The following SRP19 variants were observed in gnomAD, a reference collection of about 807,000 sequenced individuals.
SRP19 encodes signal recognition particle 19 kDa protein.
Under a neutral mutation model 22.4 loss-of-function variants are expected in SRP19, and 11 were observed. The ratio of observed to expected loss-of-function variants is 0.49; its 90% CI spans 0.31 to 0.81. The LOEUF is 0.81. Among genes scored for constraint, SRP19 ranks in the 40% least tolerant of loss-of-function variants. The pLI, the probability that SRP19 is intolerant of heterozygous loss-of-function variation, is 0.05. For missense variants in SRP19, 168 were observed against 175.9 expected (o/e 0.96, Z 0.25); for synonymous variants, 61 against 57.6 (o/e 1.06, Z -0.27).
chr5:112,875,990 C>T (rs186647991), intron 4 of SRP19, among the ~76,000 whole-genome samples: 3 of 151,296 alleles, frequency 2.0e-5, no homozygotes, highest in East Asian at 2.0e-4. Flanking sequence ...GCTGAGATTG[C>T]GCCACTGCAC....
chr5:112,867,341 A>G (rs778931015), intron 4 of SRP19, 63 bp from the exon 5 acceptor site: 107 of 1,552,578 alleles, frequency 6.9e-5, no homozygotes, highest in Non-Finnish European at 8.2e-5. Flanking sequence ...GTGATATTCA[A>G]TTTGATGACT....
At chr5:112,879,216 TATTATCAATCTG>T (rs759409950) in intron 4 of SRP19, among the ~76,000 whole-genome samples, 4 of 151,784 alleles carry the variant, frequency 2.6e-5, no homozygotes, top group Non-Finnish European at 5.9e-5. Context: ...CTTATCAATA[TATTATCAATCTG>T]ATGACAACTA....
At chr5:112,877,962 T>A (rs188243748) in intron 4 of SRP19, 7 of 151,142 alleles carry the variant, frequency 4.6e-5, no homozygotes, top group African/African-American at 1.7e-4. Context: ...TTTCAGGGAA[T>A]TGAGAGTTAC....
intron 4 of SRP19, among the ~76,000 whole-genome samples, chr5:112,866,897 G>T: frequency 6.6e-6 from 1 of 152,178 alleles, no homozygotes; most frequent in East Asian, 1.9e-4. Context: ...CAGAGCTGAG[G>T]AACTTGGTCT....
intron 4 of SRP19, chr5:112,886,952 T>A (rs956607173): frequency 7.9e-7 from 1 of 1,260,920 alleles, no homozygotes; most frequent in African/African-American, 1.5e-5. Context: ...GGAAGCCTGT[T>A]ATTTGAGCCC....
chr5:112,877,223 A>ATATC lies in SRP19; in HGVS notation c.301+12493_301+12496dup, dbSNP rs1222202329. ...AGAGTGATACTGTCACTTAGTATTG[A>ATATC]TATCTTTAATATTTTTTACATCATG... On this transcript the variant is annotated intron_variant, in intron 4 of 4. Coordinates refer to the SRP19 transcript ENST00000391338. 14 of 152,246 alleles carry ATATC rather than the reference A, an allele frequency of 9.2e-5. No individual in the cohort carries two copies. The South Asian group carries it at 2.9e-3, about 32-fold the overall frequency. 9.4% of individuals were successfully genotyped at this position (152,246 alleles called of 1,614,324 possible). A position where few individuals can be genotyped will look rare whatever the true frequency, so the allele number is the denominator to read the frequency against.
At chr5:112,865,733 A>C (rs551078549) in intron 4 of SRP19, among the ~76,000 whole-genome samples, 6 of 151,866 alleles carry the variant, frequency 4.0e-5, no homozygotes, top group African/African-American at 1.4e-4. Flanking sequence ...AGCTGGGACT[A>C]CAGGCATGTG....
At chr5:112,881,128 CAAAAAA>C (rs58737941) in intron 4 of SRP19, among the ~76,000 whole-genome samples, 10 of 67,206 alleles carry the variant, frequency 1.5e-4, no homozygotes, top group East Asian at 5.2e-4. Flanking sequence ...GACTCTGTTT[CAAAAAA>C]AAAAAAAAAA....
chr5:112,884,678 C>G (rs1260536330), intron 4 of SRP19, among the ~76,000 whole-genome samples: 2 of 151,924 alleles, frequency 1.3e-5, no homozygotes, highest in South Asian at 2.1e-4. Flanking sequence ...AGTCACTGTT[C>G]CTGATTCCTT....
rs2150028503 is a variant in SRP19, at chr5:112,869,263, CTGA to C, written c.*1728_*1730del. 1 of 152,176 alleles carries C rather than the reference CTGA, an allele frequency of 6.6e-6. No individual in the cohort carries two copies. Among genetic ancestry groups the C allele is most frequent in the East Asian group, 1.9e-4 (1 of 5,172 alleles). The allele number at this position is 152,176 out of a possible 1,614,324, so 9.4% of individuals were successfully genotyped here. On this transcript the variant is annotated 3_prime_UTR_variant, in exon 5 of 5. Transcript: ENST00000505459. ...ATTATTGTTCCTGCTTGTAAAAGGG[CTGA>C]TATTTACATGAGTGCAAGGCAGGAA...
rs768610300 is a variant in SRP19 at position 112,891,840 on chromosome 5, G to A, written c.*233G>A. The A allele has an allele frequency of 6.4e-6, 10 of 1,559,888 alleles. No individual in the cohort carries two copies. The South Asian group carries it at 1.1e-4, about 17-fold the overall frequency. On this transcript the variant is annotated 3_prime_UTR_variant, in exon 5 of 5. Transcript: ENST00000391338. ...AAGAACAACAACTAGAAGAAGAGAAGCTATTGGAAAGAGAGAGGGAAAGAT... is the reference window on the plus strand; with the variant it reads ...AAGAACAACAACTAGAAGAAGAGAAACTATTGGAAAGAGAGAGGGAAAGAT...
exon 5 of SRP19, chr5:112,891,782 T>C (rs758351381): frequency 1.2e-6 from 2 of 1,613,142 alleles, no homozygotes; most frequent in Non-Finnish European, 1.7e-6. Context: ...GACTCAGGAC[T>C]CTCACAGGAG....
chr5:112,885,577 G>T, intron 4 of SRP19: 1 of 257,240 alleles, frequency 3.9e-6, no homozygotes, highest in South Asian at 6.2e-5. Flanking sequence ...TATCCTGTTG[G>T]GCATTCTGGA....
intron 4 of SRP19, among the ~76,000 whole-genome samples, chr5:112,874,894 G>C (rs1207405070): frequency 4.0e-5 from 6 of 151,646 alleles, no homozygotes; most frequent in Non-Finnish European, 7.4e-5. Context: ...TCCTGCCTCA[G>C]CCTCCCAAGT....
At chr5:112,871,586 A>T (rs570839292), downstream of SRP19, among the ~76,000 whole-genome samples, 1 of 152,088 alleles carries the variant, frequency 6.6e-6, no homozygotes, top group Non-Finnish European at 1.5e-5. Flanking sequence ...GTGAAACCCT[A>T]TCTCTACTAA....
Position 112,867,440 on chromosome 5 carries a change from C to T in SRP19, c.338C>T (p.Pro113Leu). Residue 113 changes from proline (P) to leucine (L), a missense_variant, in exon 5 of 5, where the codon CCT becomes CTT. Physicochemically the swap from Pro to Leu is moderately conservative, Grantham distance 98 (BLOSUM62 -3). Coordinates refer to ENST00000505459, the MANE Select transcript of SRP19 (RefSeq NM_003135.3). ...ATGTTGTATGCAGCAGAAATGATAC[C>T]TAAACTAAAAACAAGGACACAAAAA... ...SVMLYAAEMIPKLKTRTQKTG... is the reference protein window; with the variant it reads ...SVMLYAAEMILKLKTRTQKTG... 1 of 1,613,730 alleles carries T rather than the reference C, an allele frequency of 6.2e-7. No individual in the cohort carries two copies. Among genetic ancestry groups the T allele is most frequent in the African/African-American group, 1.3e-5 (1 of 74,940 alleles).
At chr5:112,883,604 A>G (rs1054431437) in intron 4 of SRP19, among the ~76,000 whole-genome samples, 45 of 152,132 alleles carry the variant, frequency 3.0e-4, no homozygotes, top group African/African-American at 1.1e-3. Context: ...TCGTGATCTC[A>G]TCTAGTCTCA....
intron 4 of SRP19, chr5:112,887,271 T>C: frequency 8.1e-7 from 1 of 1,228,774 alleles, no homozygotes; most frequent in Admixed American, 2.8e-5. Context: ...ACTCTGGGGA[T>C]GGGAGATGCC....
chr5:112,897,199 A>AATACATACAT (rs985120467), downstream of SRP19: 3 of 152,204 alleles, frequency 2.0e-5, no homozygotes, highest in Non-Finnish European at 1.5e-5. Context: ...TTAAGACAGC[A>AATACATACAT]ATACATACAT....
Sources: gnomAD v4.1 joint callset for allele counts (sites outside exome capture counted in the v4.1 genomes callset) on GRCh38, gnomAD v4.1.1 for gene constraint, MANE v1.5 for transcripts, NCBI Gene and HGNC (gene_info 2026-07-23, HGNC 2026-07-21) for gene names.